The following IRAK4 variants were observed in gnomAD, a reference collection of about 807,000 sequenced individuals.
IRAK4 encodes the protein interleukin-1 receptor-associated kinase 4.
IRAK4 carries 44 observed loss-of-function variants against 51.8 expected under a neutral mutation model. That is an observed-to-expected ratio of 0.85 (90% CI 0.67 to 1.09). The LOEUF (loss-of-function observed/expected upper bound fraction) is 1.09. Among genes scored for constraint, IRAK4 ranks in the 50% least tolerant of loss-of-function variants. The pLI, the probability that IRAK4 is intolerant of heterozygous loss-of-function variation, is 0.00. For synonymous variants in IRAK4, 149 were observed against 174.1 expected (o/e 0.86, Z 1.13); for missense variants, 487 against 538.0 (o/e 0.91, Z 0.94).
At chr12:43,772,057 T>G in intron 3 of IRAK4, 123 bp from the exon 4 acceptor site, 6 of 729,484 alleles carry the variant, frequency 8.2e-6, no homozygotes, top group African/African-American at 1.7e-5. Flanking sequence ...GTGTGTGCTG[T>G]GAGAATATGA....
In IRAK4 at chr12:43,789,051, T is replaced by C. The variant is rs1052424873; in HGVS notation, c.*2336T>C. 1.3e-5 allele frequency: 2 copies of C among 152,184 alleles called. No individual in the cohort carries two copies. The highest frequency in any genetic ancestry group is 1.3e-4 in the Admixed American group (2 of 15,290). 9.4% of individuals were successfully genotyped at this position (152,184 alleles called of 1,614,324 possible). A position where few individuals can be genotyped will look rare whatever the true frequency, so the allele number is the denominator to read the frequency against. ...GTGATGCTAGAATGAGTTAAGACTT[T>C]GGGAAGGGATGATTATATTTTGCAA... On this transcript the variant is annotated 3_prime_UTR_variant, in exon 12 of 12. Transcript: ENST00000613694.
rs1942338951 is a variant in IRAK4 at position 43,788,254 on chromosome 12, G to A, written c.*1539G>A. 1 of 152,240 alleles carries A rather than the reference G, an allele frequency of 6.6e-6. No homozygotes were observed. Among genetic ancestry groups the A allele is most frequent in the African/African-American group, 2.4e-5 (1 of 41,436 alleles). 9.4% of individuals were successfully genotyped at this position (152,240 alleles called of 1,614,324 possible). A position where few individuals can be genotyped will look rare whatever the true frequency, so the allele number is the denominator to read the frequency against. On this transcript the variant is annotated 3_prime_UTR_variant, in exon 12 of 12. Transcript: ENST00000613694. ...GCATGTACAGCGGGAGGCTTATAGT[G>A]TACGTACTGAAATGTGGGGTTGGAG...
Position 43,771,281 on chromosome 12 carries a change from G to A in IRAK4, c.223G>A (p.Gly75Ser), listed in dbSNP as rs778743146. ...CACTTCTGAATTACTGTTTGACTGG[G>A]GCACCACAAATTGCACAGTTGGTGA... ...SPTSELLFDW[G>S]TTNCTVGDLV... Residue 75 changes from glycine to serine, a missense_variant, in exon 3 of 12, where the codon GGC (glycine) becomes AGC (serine). Physicochemically the swap from Gly to Ser is moderately conservative, Grantham distance 56 (BLOSUM62 0). Transcript: ENST00000613694. The A allele has an allele frequency of 6.2e-7, 1 of 1,613,776 alleles. No homozygotes were observed.
chr12:43,773,714 G>T, intron 5 of IRAK4: 1 of 314,682 alleles, frequency 3.2e-6, no homozygotes, highest in Non-Finnish European at 5.8e-6. Flanking sequence ...TTTTTGTGTA[G>T]TGAAATTTCG....
chr12:43,779,148 C>T (rs1941557164), intron 8 of IRAK4, among the ~76,000 whole-genome samples: 1 of 152,064 alleles, frequency 6.6e-6, no homozygotes, highest in Non-Finnish European at 1.5e-5. Flanking sequence ...CCTACAGTTC[C>T]AGACACTAGG....
intron 10 of IRAK4, among the ~76,000 whole-genome samples, chr12:43,785,891 A>G (rs1942172547): frequency 6.6e-6 from 1 of 152,062 alleles, no homozygotes; most frequent in African/African-American, 2.4e-5. Flanking sequence ...TGTGTATGTA[A>G]ACATAAAAGA....
intron 9 of IRAK4, 81 bp downstream of exon 9, chr12:43,782,571 C>G (rs1173508324): frequency 3.5e-6 from 4 of 1,133,420 alleles, no homozygotes; most frequent in Non-Finnish European, 5.2e-6. Flanking sequence ...TTAATACACC[C>G]ATCTTGTTTA....
chr12:43,772,528 A>C (rs1291903096), intron 4 of IRAK4, among the ~76,000 whole-genome samples, 166 bp downstream of exon 4: 1 of 152,202 alleles, frequency 6.6e-6, no homozygotes, highest in African/African-American at 2.4e-5. Flanking sequence ...TCTTCATTGT[A>C]TTAATCAGTG....
At chr12:43,764,285 G>A (rs1057472574) in intron 1 of IRAK4, among the ~76,000 whole-genome samples, 2 of 152,262 alleles carry the variant, frequency 1.3e-5, no homozygotes, top group Non-Finnish European at 1.5e-5. Flanking sequence ...TTAGCTGGGT[G>A]TGGTGGTGCA....
At chr12:43,780,010 A>G (rs1261551051) in intron 8 of IRAK4, among the ~76,000 whole-genome samples, 1 of 152,188 alleles carries the variant, frequency 6.6e-6, no homozygotes, top group Non-Finnish European at 1.5e-5. Context: ...GATCACAAAA[A>G]GGAATCTAAG....
intron 2 of IRAK4, among the ~76,000 whole-genome samples, chr12:43,769,232 T>C (rs1054579256): frequency 1.3e-5 from 2 of 152,114 alleles, no homozygotes; most frequent in Admixed American, 6.5e-5. Flanking sequence ...GTGAAAAGAA[T>C]GGTAGAATGA....
intron 1 of IRAK4, among the ~76,000 whole-genome samples, chr12:43,767,577 A>G (rs947596770): frequency 4.6e-5 from 7 of 152,076 alleles, no homozygotes; most frequent in South Asian, 2.1e-4. Context: ...AGAGCAAAGT[A>G]TGTGAAAAGT....
intron 1 of IRAK4, among the ~76,000 whole-genome samples, chr12:43,765,891 C>G (rs553176237): frequency 1.3e-4 from 20 of 151,204 alleles, no homozygotes; most frequent in African/African-American, 4.9e-4. Flanking sequence ...AATCGCTCAT[C>G]TCTAGTGAAA....
chr12:43,774,127 T>C lies in IRAK4; in HGVS notation c.716+98T>C, dbSNP rs183346052. The C allele has an allele frequency of 3.0e-5, 24 of 789,156 alleles. No individual in the cohort carries two copies. In the African/African-American group the frequency reaches 3.3e-4, roughly 11 times the overall value. The allele number at this position is 789,156 out of a possible 1,614,324, so 48.9% of individuals were successfully genotyped here. A position where few individuals can be genotyped will look rare whatever the true frequency, so the allele number is the denominator to read the frequency against. On this transcript the variant is annotated intron_variant, in intron 6 of 11. Transcript: ENST00000613694. ...GAGTATGCCATGAACTAGTGATGTT[T>C]GCACATATATGAAATTAAAATAAAG...
At chr12:43,768,352 G>A (rs1236638793) in intron 2 of IRAK4, 80 bp downstream of exon 2, 7 of 1,095,336 alleles carry the variant, frequency 6.4e-6, no homozygotes, top group Non-Finnish European at 9.3e-6. Context: ...ACTGTCTAAT[G>A]TGGCAGTTTA....
intron 8 of IRAK4, among the ~76,000 whole-genome samples, chr12:43,781,678 T>A (rs1341685723): frequency 6.6e-6 from 1 of 152,254 alleles, no homozygotes; most frequent in African/African-American, 2.4e-5. Flanking sequence ...TTTATGCCTT[T>A]GTCACAGACA....
intron 5 of IRAK4, among the ~76,000 whole-genome samples, chr12:43,773,513 T>A (rs1466402757): frequency 5.3e-5 from 8 of 152,174 alleles, no homozygotes; most frequent in Non-Finnish European, 1.2e-4. Flanking sequence ...TCTACTGAGG[T>A]GTTTACCTTT....
intron 1 of IRAK4, among the ~76,000 whole-genome samples, chr12:43,766,058 A>G (rs1940112643): frequency 1.3e-5 from 2 of 152,188 alleles, no homozygotes; most frequent in African/African-American, 4.8e-5. Context: ...ATTTTTATCC[A>G]GAGGAATCCA....
At chr12:43,782,759 C>T (rs1941892180) in intron 9 of IRAK4, among the ~76,000 whole-genome samples, 1 of 152,184 alleles carries the variant, frequency 6.6e-6, no homozygotes, top group Non-Finnish European at 1.5e-5. Context: ...TTAAATGAAT[C>T]ATGTCATACA....
Sources: allele counts gnomAD v4.1 joint callset (sites outside exome capture counted in the v4.1 genomes callset), GRCh38; gene constraint gnomAD v4.1.1; transcripts MANE v1.5; gene names NCBI Gene and HGNC (gene_info 2026-07-23, HGNC 2026-07-21).